Variants in LIMCH1 observed in about 807,000 individuals in gnomAD.
The protein encoded by LIMCH1 is LIM and calponin homology domains-containing protein 1.
A neutral mutation model predicts 176.5 loss-of-function variants in LIMCH1; 113 were observed. The ratio of observed to expected loss-of-function variants is 0.64; its 90% CI spans 0.55 to 0.75. The LOEUF is 0.75. Among genes scored for constraint, LIMCH1 ranks in the 30% least tolerant of loss-of-function variants. LIMCH1 has a pLI of 0.00. For synonymous variants in LIMCH1, 619 were observed against 645.9 expected (o/e 0.96, Z 0.63); for missense variants, 1,674 against 1,814.9 (o/e 0.92, Z 1.41).
At chr4:41,415,819 TAAA>T (rs141274574) in intron 1 of LIMCH1, among the ~76,000 whole-genome samples, 13 of 150,322 alleles carry the variant, frequency 8.6e-5, no homozygotes, top group Non-Finnish European at 1.2e-4. Flanking sequence ...CTACTAAAAA[TAAA>T]AAAAAATAGC....
chr4:41,588,496 G>A (rs1488361456), intron 1 of LIMCH1, among the ~76,000 whole-genome samples: 2 of 152,138 alleles, frequency 1.3e-5, no homozygotes, highest in Non-Finnish European at 2.9e-5. Context: ...GCCCAATCAT[G>A]GCAGCATTTT....
intron 1 of LIMCH1, among the ~76,000 whole-genome samples, chr4:41,461,068 G>T (rs1208740890): frequency 3.3e-5 from 5 of 152,180 alleles, no homozygotes; most frequent in East Asian, 3.8e-4. Flanking sequence ...GAACATTTAT[G>T]TAGTGGTTAT....
chr4:41,666,680 G>A lies in LIMCH1; in HGVS notation c.3397+14G>A. 1 of 1,562,048 alleles carries A rather than the reference G, an allele frequency of 6.4e-7. No homozygotes were observed. Among genetic ancestry groups the A allele is most frequent in the Non-Finnish European group, 8.8e-7 (1 of 1,132,874 alleles). On this transcript the variant is annotated intron_variant, in intron 21 of 31. Transcript: ENST00000503057. ...TCAATTCTCAAGGTAAAGAGGACAT[G>A]TTTTATTTTAGGTCTGCATGTTCTG...
intron 17 of LIMCH1, 115 bp from the exon 18 acceptor site, chr4:41,650,278 T>A (rs189452415): frequency 1.2e-5 from 9 of 735,994 alleles, no homozygotes; most frequent in Non-Finnish European, 2.1e-5. Flanking sequence ...TCTTCCTTCA[T>A]TGGACTCTGG....
At chr4:41,631,563 C>T in intron 10 of LIMCH1, 86 bp downstream of exon 10, 4 of 1,111,204 alleles carry the variant, frequency 3.6e-6, no homozygotes, top group Non-Finnish European at 5.0e-6. Flanking sequence ...TTATACAAGC[C>T]CCTAGAGATG....
chr4:41,495,741 AG>A (rs2072008075), intron 2 of LIMCH1, among the ~76,000 whole-genome samples: 1 of 152,152 alleles, frequency 6.6e-6, no homozygotes, highest in Non-Finnish European at 1.5e-5. Flanking sequence ...AAAAGGATAG[AG>A]TGAGTGAGGC....
intron 1 of LIMCH1, among the ~76,000 whole-genome samples, chr4:41,416,675 AAAG>A (rs2059967414): frequency 6.6e-6 from 1 of 151,974 alleles, no homozygotes; most frequent in Admixed American, 6.6e-5. Flanking sequence ...AAAAAAAAAA[AAAG>A]AAAATTTTAT....
chr4:41,516,376 A>G (rs2075584231), intron 2 of LIMCH1, among the ~76,000 whole-genome samples: 1 of 152,216 alleles, frequency 6.6e-6, no homozygotes, highest in African/African-American at 2.4e-5. Flanking sequence ...GATTATCTGT[A>G]GAAATGCAAA....
chr4:41,613,202 T>C lies in LIMCH1; in HGVS notation c.10-264T>C. Reference sequence around the variant, plus strand: ...TAATTCTTTCTCTACTCTTTTTTTTTTAAACCTAGGGAATATGAGTTATTT... The same window carrying C: ...TAATTCTTTCTCTACTCTTTTTTTTCTAAACCTAGGGAATATGAGTTATTT... On this transcript the variant is annotated intron_variant, in intron 4 of 31. Coordinates refer to ENST00000503057, the MANE Select transcript of LIMCH1 (RefSeq NM_001330672.2). 3.6e-6 allele frequency: 4 copies of C among 1,098,304 alleles called. No individual in the cohort carries two copies. The South Asian group carries it at 5.6e-5, about 15-fold the overall frequency. The allele number at this position is 1,098,304 out of a possible 1,614,324, so 68.0% of individuals were successfully genotyped here.
Position 41,699,963 on chromosome 4 carries a change from T to TA in LIMCH1, c.*2784dup, listed in dbSNP as rs918541581. 10 of 152,298 alleles carry TA rather than the reference T, an allele frequency of 6.6e-5. No individual in the cohort carries two copies. Among genetic ancestry groups the TA allele is most frequent in the African/African-American group, 2.2e-4 (9 of 41,578 alleles). The allele number at this position is 152,298 out of a possible 1,614,324, so 9.4% of individuals were successfully genotyped here. A position where few individuals can be genotyped will look rare whatever the true frequency, so the allele number is the denominator to read the frequency against. ...ATTCTAAAATGCCTCTGAGAAACAG[T>TA]AAAAAATAAAAACAACAAGTTGTCT... On this transcript the variant is annotated 3_prime_UTR_variant, in exon 32 of 32. Transcript: ENST00000503057.
chr4:41,685,303 A>AATACC (rs147142436), intron 27 of LIMCH1, among the ~76,000 whole-genome samples: 4,206 of 152,262 alleles, frequency 0.028, 85 homozygotes, highest in African/African-American at 0.065. Context: ...CTGCAAGCTG[A>AATACC]ATACCATTCA....
intron 1 of LIMCH1, among the ~76,000 whole-genome samples, chr4:41,487,621 G>A (rs909020472): frequency 2.0e-5 from 3 of 150,928 alleles, no homozygotes; most frequent in African/African-American, 7.3e-5. Flanking sequence ...GAACAATTTA[G>A]GTTGTATGTG....
At chr4:41,403,756 A>G (rs1213540699) in intron 1 of LIMCH1, among the ~76,000 whole-genome samples, 1 of 152,158 alleles carries the variant, frequency 6.6e-6, no homozygotes, top group Non-Finnish European at 1.5e-5. Context: ...AGCCTCATTA[A>G]TCTCATTAAT....
rs190337736 is a variant in LIMCH1, at chr4:41,632,546, G to A, written c.1602-203G>A. Among the ~76,000 whole-genome samples the A allele has an allele frequency of 2.6e-5, 4 of 152,286 alleles. No individual in the cohort carries two copies. In the East Asian group the frequency reaches 7.7e-4, roughly 29 times the overall value. ...AGTCTTGTGGTGACAGAGTCACACA[G>A]CCTTGTTTGACCTTCATAGGCCCTA... On this transcript the variant is annotated intron_variant, in intron 10 of 31. Transcript: ENST00000503057.
At chr4:41,488,429 G>C (rs1290252867) in intron 1 of LIMCH1, among the ~76,000 whole-genome samples, 1 of 151,898 alleles carries the variant, frequency 6.6e-6, no homozygotes, top group Admixed American at 6.6e-5. Context: ...CTTTATTTTG[G>C]GAAAACTCGA....
At chr4:41,621,241 C>A (rs1014096972) in intron 7 of LIMCH1, among the ~76,000 whole-genome samples, 25 of 152,238 alleles carry the variant, frequency 1.6e-4, no homozygotes, top group African/African-American at 6.0e-4. Context: ...GGAGTAATTA[C>A]TTCTCTTTAA....
At chr4:41,485,067 T>C (rs573789074) in intron 1 of LIMCH1, among the ~76,000 whole-genome samples, 8 of 152,366 alleles carry the variant, frequency 5.3e-5, no homozygotes, top group Admixed American at 3.3e-4. Flanking sequence ...CAGTGTTTTA[T>C]ATCACATTGT....
intron 21 of LIMCH1, chr4:41,670,754 A>T (rs555447284): frequency 2.0e-6 from 3 of 1,535,970 alleles, no homozygotes; most frequent in Non-Finnish European, 2.6e-6. Context: ...CTTAGAGTTC[A>T]GAACTCTTGG....
At chr4:41,496,479 T>A (rs149259233) in intron 2 of LIMCH1, among the ~76,000 whole-genome samples, 20 of 152,256 alleles carry the variant, frequency 1.3e-4, no homozygotes, top group African/African-American at 4.6e-4. Context: ...CTCTGCTAGG[T>A]CCTTCAAGAG....
Sources: allele counts gnomAD v4.1 joint callset (sites outside exome capture counted in the v4.1 genomes callset), GRCh38; gene constraint gnomAD v4.1.1; transcripts MANE v1.5; gene names NCBI Gene and HGNC (gene_info 2026-07-23, HGNC 2026-07-21).